FEZ2: variants seen among roughly 807,000 people sequenced by gnomAD.
FEZ2 encodes the protein fasciculation and elongation protein zeta-2.
Under a neutral mutation model 40.4 loss-of-function variants are expected in FEZ2, and 51 were observed. The observed-to-expected ratio is 1.26, with a 90% CI of 1.01 to 1.59. The LOEUF is 1.59. FEZ2 is among the 40% of genes most tolerant of loss of function. The pLI is 0.00. For synonymous variants in FEZ2, 242 were observed against 172.0 expected, an observed-to-expected ratio of 1.41 and a Z score of -3.18; for missense variants, 640 against 438.3, an observed-to-expected ratio of 1.46 and a Z score of -4.11.
Position 36,597,862 on chromosome 2 carries a change from G to C in FEZ2, c.266+15C>G, listed in dbSNP as rs1173708032. The C allele has an allele frequency of 7.5e-7, 1 of 1,333,636 alleles. No individual in the cohort carries two copies. Among genetic ancestry groups the C allele is most frequent in the Non-Finnish European group, 9.6e-7 (1 of 1,044,972 alleles). 82.6% of individuals were successfully genotyped at this position (1,333,636 alleles called of 1,614,324 possible). A position where few individuals can be genotyped will look rare whatever the true frequency, so the allele number is the denominator to read the frequency against. On this transcript the variant is annotated intron_variant, in intron 1 of 7. Coordinates refer to ENST00000405912, the MANE Select transcript of FEZ2 (RefSeq NM_005102.3). The stretch of plus-strand genomic sequence containing the variant: ...GGAGGCTCCCGCCCACTCCCGGCCG[G>C]GGCCCCGCACTCACTCGTCCCCCTG...
intron 2 of FEZ2, among the ~76,000 whole-genome samples, chr2:36,586,927 C>T (rs1668917902): frequency 6.6e-6 from 1 of 152,202 alleles, no homozygotes; most frequent in Admixed American, 6.5e-5. Flanking sequence ...GCCTGGGCAA[C>T]AGAGGGAGAC....
chr2:36,582,182 A>T (rs1408000302), intron 3 of FEZ2, among the ~76,000 whole-genome samples: 3 of 151,974 alleles, frequency 2.0e-5, no homozygotes, highest in African/African-American at 7.3e-5. Context: ...AATGTAAAGG[A>T]AACCCAGGAA....
chr2:36,566,734 G>A (rs986374290), intron 5 of FEZ2, among the ~76,000 whole-genome samples: 4 of 152,184 alleles, frequency 2.6e-5, no homozygotes, highest in African/African-American at 9.7e-5. Flanking sequence ...ATTAGAAATC[G>A]AAGATCTGGG....
chr2:36,555,884 C>T (rs1667946878), intron 6 of FEZ2, 136 bp from the exon 7 acceptor site: 1 of 657,166 alleles, frequency 1.5e-6, no homozygotes, highest in Non-Finnish European at 2.7e-6. Context: ...AGGTGATTTT[C>T]CTGATAAGGG....
chr2:36,583,534 G>C, intron 2 of FEZ2, 65 bp from the exon 3 acceptor site: 1 of 830,390 alleles, frequency 1.2e-6, no homozygotes, highest in South Asian at 1.4e-5. Flanking sequence ...TAACAGCTCT[G>C]AGTAAAAGAG....
At chr2:36,567,514 C>G (rs1382476720) in intron 5 of FEZ2, among the ~76,000 whole-genome samples, 1 of 152,136 alleles carries the variant, frequency 6.6e-6, no homozygotes, top group African/African-American at 2.4e-5. Context: ...GTAATCCCAG[C>G]ACTTTGGGAG....
At chr2:36,575,128 G>A (rs948182388) in intron 5 of FEZ2, among the ~76,000 whole-genome samples, 6 of 152,012 alleles carry the variant, frequency 3.9e-5, no homozygotes, top group South Asian at 2.1e-4. Flanking sequence ...GCCTTTCTCC[G>A]TCATTAGACT....
chr2:36,583,390 G>A lies in FEZ2; in HGVS notation c.455C>T (p.Ser152Phe). Residue 152 changes from serine (S) to phenylalanine (F), a missense_variant, in exon 3 of 8, where the codon TCC becomes TTC. Physicochemically the swap from Ser to Phe is radical, Grantham distance 155 (BLOSUM62 -2). Transcript: ENST00000405912. ...EQLDMHSIIV[S>F]CVNDEPLFTA... The stretch of plus-strand genomic sequence containing the variant: ...GAAGAGGGGTTCATCATTAACACAG[G>A]AGACGATGATTGAGTGCATATCCAG... 1 of 1,604,390 alleles carries A rather than the reference G, an allele frequency of 6.2e-7. No homozygotes were observed.
intron 5 of FEZ2, 46 bp downstream of exon 5, chr2:36,578,551 A>G: frequency 6.3e-7 from 1 of 1,575,260 alleles, no homozygotes; most frequent in Non-Finnish European, 8.6e-7. Context: ...GGACTACCAC[A>G]GAACCTGTTT....
At chr2:36,568,685 T>C (rs778551051) in intron 5 of FEZ2, among the ~76,000 whole-genome samples, 14 of 152,250 alleles carry the variant, frequency 9.2e-5, no homozygotes, top group Non-Finnish European at 7.3e-5. Context: ...TTTACTTTAT[T>C]GTTGCCCTCA....
chr2:36,597,661 G>C (rs1010269545), intron 1 of FEZ2, among the ~76,000 whole-genome samples: 1 of 152,246 alleles, frequency 6.6e-6, no homozygotes, highest in African/African-American at 2.4e-5. Flanking sequence ...GGGAGGTACC[G>C]AGGCGGAGGT....
chr2:36,582,839 G>C (rs953465882), intron 3 of FEZ2, among the ~76,000 whole-genome samples: 1 of 152,202 alleles, frequency 6.6e-6, no homozygotes, highest in Admixed American at 6.6e-5. Context: ...GGTGGGAAGA[G>C]TATTCAGAAA....
Position 36,555,762 on chromosome 2 carries a change from GA to G in FEZ2, c.980-15del. ...TGGCACGAAGAACTGCAAAATAGAAGAGGGGAAAAAAGACAACAATTAAAAA... is the reference window on the plus strand; with the variant it reads ...TGGCACGAAGAACTGCAAAATAGAAGGGGGAAAAAAGACAACAATTAAAAA... On this transcript the variant is annotated splice_polypyrimidine_tract_variant and intron_variant, in intron 6 of 7. Transcript: ENST00000405912. 2 of 1,508,366 alleles carry G rather than the reference GA, an allele frequency of 1.3e-6. No homozygotes were observed. Among genetic ancestry groups the G allele is most frequent in the South Asian group, 1.2e-5 (1 of 81,996 alleles). 93.4% of individuals were successfully genotyped at this position (1,508,366 alleles called of 1,614,324 possible). A position where few individuals can be genotyped will look rare whatever the true frequency, so the allele number is the denominator to read the frequency against.
chr2:36,552,453 G>A lies in FEZ2; in HGVS notation c.*710C>T, dbSNP rs928794162. 6.9e-6 allele frequency: 2 copies of A among 291,148 alleles called. No individual in the cohort carries two copies. Among genetic ancestry groups the A allele is most frequent in the Middle Eastern group, 1.3e-3 (1 of 770 alleles). The allele number at this position is 291,148 out of a possible 1,614,324, so 18.0% of individuals were successfully genotyped here. ...GTACACTTTCTCAAGCACCTCAGAG[G>A]ACACACACTTAAAGTACAATTCTTC... On this transcript the variant is annotated 3_prime_UTR_variant, in exon 8 of 8. Transcript: ENST00000405912.
chr2:36,577,984 C>CA (rs981857250), intron 5 of FEZ2, among the ~76,000 whole-genome samples: 5 of 152,130 alleles, frequency 3.3e-5, no homozygotes, highest in African/African-American at 7.2e-5. Context: ...GACTTCAACA[C>CA]AAAAAAATCT....
chr2:36,568,337 G>A (rs190868564), intron 5 of FEZ2, among the ~76,000 whole-genome samples: 11 of 152,200 alleles, frequency 7.2e-5, no homozygotes, highest in African/African-American at 2.4e-4. Context: ...TTAAAGATTT[G>A]TTACTAAATA....
intron 5 of FEZ2, among the ~76,000 whole-genome samples, chr2:36,568,438 C>A (rs1668315346): frequency 6.6e-6 from 1 of 152,094 alleles, no homozygotes; most frequent in Admixed American, 6.5e-5. Context: ...TCAGAAAACC[C>A]AATCCTCCCT....
At chr2:36,560,658 T>C in intron 5 of FEZ2, 2 of 547,484 alleles carry the variant, frequency 3.7e-6, no homozygotes, top group Non-Finnish European at 6.5e-6. Flanking sequence ...TGAACTTTTA[T>C]AATAAACTTT....
chr2:36,584,902 G>A (rs562582243), intron 2 of FEZ2, among the ~76,000 whole-genome samples: 1 of 152,248 alleles, frequency 6.6e-6, no homozygotes, highest in South Asian at 2.1e-4. Context: ...ATTAGGCTGG[G>A]AGAAGGGCCC....
Sources: gnomAD v4.1 joint callset for allele counts (sites outside exome capture counted in the v4.1 genomes callset) on GRCh38, gnomAD v4.1.1 for gene constraint, MANE v1.5 for transcripts, NCBI Gene and HGNC (gene_info 2026-07-23, HGNC 2026-07-21) for gene names.